Variants in CRYGS observed in about 807,000 individuals in gnomAD.
The protein encoded by CRYGS is crystallin gamma S.
Under a neutral mutation model 21.3 loss-of-function variants are expected in CRYGS, and 13 were observed. The ratio of observed to expected loss-of-function variants is 0.61; its 90% CI spans 0.40 to 0.97. The LOEUF (loss-of-function observed/expected upper bound fraction) is 0.97. Ranked by LOEUF, CRYGS falls within the 50% of genes least tolerant of loss-of-function variation. The pLI, the probability that CRYGS is intolerant of heterozygous loss-of-function variation, is 0.00. For synonymous variants in CRYGS, 67 were observed against 75.0 expected (o/e 0.89, Z 0.55); for missense variants, 205 against 229.7 (o/e 0.89, Z 0.69).
Position 186,539,511 on chromosome 3 carries a change from G to A in CRYGS, c.108C>T (p.Arg36=), listed in dbSNP as rs761387196. The A allele has an allele frequency of 3.1e-6, 5 of 1,613,888 alleles. No homozygotes were observed. The African/African-American group carries it at 5.3e-5, about 17-fold the overall frequency. The change falls in exon 2 of 3, where the codon CGC becomes CGT. Residue 36 remains arginine (R), a synonymous_variant. Transcript: ENST00000307944. ...CTCCTTCCACTTTAATGGAGTTGCA[G>A]CGACTTAGGTATGTGTGGAAATCTG... ...DCADFHTYLS[R]CNSIKVEGGT...
Position 186,544,294 on chromosome 3 carries a change from A to ATGAC in CRYGS, c.21+8_21+11dup. On this transcript the variant is annotated intron_variant, in intron 1 of 2. Coordinates refer to ENST00000307944, the MANE Select transcript of CRYGS (RefSeq NM_017541.4). ...AAAAGCGGGTAGGCTAAAAATCAATATGACTACTTACCTTGGTTCCAGTTT... is the reference window on the plus strand; with the variant it reads ...AAAAGCGGGTAGGCTAAAAATCAATATGACTGACTACTTACCTTGGTTCCAGTTT... 6.3e-7 allele frequency: 1 copy of ATGAC among 1,594,296 alleles called. No homozygotes were observed.
intron 1 of CRYGS, 43 bp from the exon 2 acceptor site, chr3:186,539,640 G>A (rs780119256): frequency 1.2e-6 from 2 of 1,611,832 alleles, no homozygotes; most frequent in Non-Finnish European, 1.7e-6. Flanking sequence ...GGAGCTGGGT[G>A]GCTTAATTCA....
intron 2 of CRYGS, 23 bp from the exon 3 acceptor site, chr3:186,538,991 G>C (rs769960972): frequency 6.2e-7 from 1 of 1,613,066 alleles, no homozygotes; most frequent in Non-Finnish European, 8.5e-7. Flanking sequence ...AGGAGAAAAT[G>C]AACAGAAACC....
Position 186,538,907 on chromosome 3 carries a change from T to C in CRYGS, c.326A>G (p.Tyr109Cys). ...GGAAGGGCAATCTTCGGTGGTTTCATACATCTGACCACTAAAATCCCCTTT... is the reference window on the plus strand; with the variant it reads ...GGAAGGGCAATCTTCGGTGGTTTCACACATCTGACCACTAAAATCCCCTTT... ...FEKGDFSGQMYETTEDCPSIM... is the reference protein window; with the variant it reads ...FEKGDFSGQMCETTEDCPSIM... Residue 109 changes from tyrosine to cysteine, a missense_variant, in exon 3 of 3, where the codon TAT becomes TGT. By Grantham distance (194) the Tyr-to-Cys change is radical. Transcript: ENST00000307944. 1.9e-6 allele frequency: 3 copies of C among 1,614,164 alleles called. No individual in the cohort carries two copies. The highest frequency in any genetic ancestry group is 1.1e-5 in the South Asian group (1 of 91,090).
At position 186,539,595 on chromosome 3, in the gene CRYGS, A is replaced by C; in HGVS notation, c.24T>G (p.Ile8Met). 6.2e-7 allele frequency: 1 copy of C among 1,614,016 alleles called. No homozygotes were observed. Among genetic ancestry groups the C allele is most frequent in the Non-Finnish European group, 8.5e-7 (1 of 1,179,882 alleles). MSKTGTKITFYEDKNFQG... is the reference protein window; with the variant it reads MSKTGTKMTFYEDKNFQG... ...GAAAATTTTTGTCTTCATAGAAAGT[A>C]ATCTGAAGTAGAGGGCCAACAGAGA... Residue 8 changes from isoleucine to methionine, a missense_variant and splice_region_variant, in exon 2 of 3, where the codon ATT (isoleucine) becomes ATG (methionine). Physicochemically the swap from Ile to Met is conservative, Grantham distance 10. Transcript: ENST00000307944.
Position 186,539,473 on chromosome 3 carries a change from A to C in CRYGS, c.146T>G (p.Val49Gly). 3 of 1,613,442 alleles carry C rather than the reference A, an allele frequency of 1.9e-6. No homozygotes were observed. Among genetic ancestry groups the C allele is most frequent in the Non-Finnish European group, 2.5e-6 (3 of 1,180,010 alleles). Residue 49 changes from valine (V) to glycine (G), a missense_variant, in exon 2 of 3, where the codon GTT (valine) becomes GGT (glycine). Val to Gly is a moderately radical substitution (Grantham distance 109, BLOSUM62 -3). Coordinates refer to ENST00000307944, the MANE Select transcript of CRYGS (RefSeq NM_017541.4). ...CCCAGCAAAGTTGGGCCTTTCATAA[A>C]CAGCCCAGGTGCCTCCTTCCACTTT... Reference protein sequence around the residue: ...SIKVEGGTWAVYERPNFAGYM... With the variant: ...SIKVEGGTWAGYERPNFAGYM...
rs753571891 is a variant in CRYGS at position 186,539,307 on chromosome 3, G to T, written c.264+48C>A. ...TGTTCACCTAAAAGCAAGAGAAAGC[G>T]GACAGAGGGCGTGGGAAACAGAGGG... On this transcript the variant is annotated intron_variant, in intron 2 of 2. Transcript: ENST00000307944. The T allele has an allele frequency of 6.2e-6, 10 of 1,610,914 alleles. No individual in the cohort carries two copies. In the South Asian group the frequency reaches 9.9e-5, roughly 16 times the overall value.
chr3:186,538,739 G>A lies in CRYGS; in HGVS notation c.494C>T (p.Ala165Val). ...GAAAGACTGGACAGCTGGGGAGGCT[G>A]CACCCCAATCGATGGGCTTCCGGTA... is the stretch of plus-strand genomic sequence containing the variant. ...KEYRKPIDWG[A>V]ASPAVQSFRR... The change falls in exon 3 of 3, where the codon GCA becomes GTA. Residue 165 changes from alanine to valine, a missense_variant. Ala to Val is a moderately conservative substitution (Grantham distance 64). Coordinates refer to ENST00000307944, the MANE Select transcript of CRYGS (RefSeq NM_017541.4). The A allele has an allele frequency of 6.2e-7, 1 of 1,614,180 alleles. No homozygotes were observed. Among genetic ancestry groups the A allele is most frequent in the Non-Finnish European group, 8.5e-7 (1 of 1,180,032 alleles).
At position 186,539,587 on chromosome 3, in the gene CRYGS, T is replaced by C. The variant is rs143424000; in HGVS notation, c.32A>G (p.Tyr11Cys). The C allele has an allele frequency of 9.3e-6, 15 of 1,613,898 alleles. No individual in the cohort carries two copies. The highest frequency in any genetic ancestry group is 2.7e-5 in the African/African-American group (2 of 74,922). MSKTGTKITF[Y>C]EDKNFQGRRY... is the part of the protein sequence containing the mutation. ...ACGGCCTTGAAAATTTTTGTCTTCA[T>C]AGAAAGTAATCTGAAGTAGAGGGCC... The change falls in exon 2 of 3, where the codon TAT (tyrosine) becomes TGT (cysteine). Residue 11 changes from tyrosine (Y) to cysteine (C), a missense_variant. Physicochemically the swap from Tyr to Cys is radical, Grantham distance 194. Transcript: ENST00000307944.
At position 186,544,372 on chromosome 3, in the gene CRYGS, A is replaced by G. The variant is rs371031485; in HGVS notation, c.-46T>C. 5.5e-5 allele frequency: 76 copies of G among 1,391,308 alleles called. No individual in the cohort carries two copies. The East Asian group carries it at 8.4e-4, about 15-fold the overall frequency. 86.2% of individuals were successfully genotyped at this position (1,391,308 alleles called of 1,614,324 possible). A position where few individuals can be genotyped will look rare whatever the true frequency, so the allele number is the denominator to read the frequency against. ...TTCCCAGTGCTGAAAGAAATTCAGG[A>G]ATGGCTACAGAGAGTTAGAGGCACA... On this transcript the variant is annotated 5_prime_UTR_variant, in exon 1 of 3. Transcript: ENST00000307944.
intron 1 of CRYGS, among the ~76,000 whole-genome samples, chr3:186,542,159 G>C (rs972048942): frequency 6.6e-6 from 1 of 152,192 alleles, no homozygotes; most frequent in African/African-American, 2.4e-5. Context: ...AAAGATACAT[G>C]ATGCCTGATA....
intron 1 of CRYGS, chr3:186,540,003 C>T (rs960137528): frequency 1.8e-5 from 4 of 227,830 alleles, no homozygotes; most frequent in Non-Finnish European, 2.7e-5. Flanking sequence ...GCTATCAATC[C>T]TCTGTGCCCA....
chr3:186,539,397 C>T lies in CRYGS; in HGVS notation c.222G>A (p.Met74Ile). 6.2e-7 allele frequency: 1 copy of T among 1,612,198 alleles called. No individual in the cohort carries two copies. The highest frequency in any genetic ancestry group is 8.5e-7 in the Non-Finnish European group (1 of 1,179,986). ...QGEYPEYQRW[M>I]GLNDRLSSCR... is the part of the protein sequence containing the mutation. ...AGGAGCTGAGGCGGTCGTTGAGGCC[C>T]ATCCAACGCTGGTATTCAGGGTACT... is the stretch of plus-strand genomic sequence containing the variant. The change falls in exon 2 of 3, where the codon ATG becomes ATA. Residue 74 changes from methionine (M) to isoleucine (I), a missense_variant. By Grantham distance (10) the Met-to-Ile change is conservative. Transcript: ENST00000307944.
chr3:186,542,174 C>G (rs1714085750), intron 1 of CRYGS, among the ~76,000 whole-genome samples: 1 of 152,226 alleles, frequency 6.6e-6, no homozygotes, highest in Admixed American at 6.5e-5. Context: ...CTGATACGGT[C>G]ACCTGATGTC....
In CRYGS at chr3:186,540,760, A is replaced by G. The variant is rs973721980; in HGVS notation, c.22-1163T>C. Reference sequence around the variant, plus strand: ...GTGAGTCATTTCAGATGAAAGGAGCAGAGCCGGATACTGTCTTGAGAGGAT... The same window carrying G: ...GTGAGTCATTTCAGATGAAAGGAGCGGAGCCGGATACTGTCTTGAGAGGAT... On this transcript the variant is annotated intron_variant, in intron 1 of 2. Transcript: ENST00000307944. The G allele has an allele frequency of 1.3e-5, 13 of 968,042 alleles. No homozygotes were observed. The African/African-American group carries it at 2.3e-4, about 17-fold the overall frequency. The allele number at this position is 968,042 out of a possible 1,614,324, so 60.0% of individuals were successfully genotyped here.
intron 1 of CRYGS, among the ~76,000 whole-genome samples, chr3:186,543,407 G>T (rs559372614): frequency 1.3e-5 from 2 of 152,262 alleles, no homozygotes; most frequent in South Asian, 2.1e-4. Flanking sequence ...TAGTGATACA[G>T]TGTTTATACA....
At position 186,539,570 on chromosome 3, in the gene CRYGS, G is replaced by C. The variant is rs1714010406; in HGVS notation, c.49C>G (p.Gln17Glu). 1 of 1,614,144 alleles carries C rather than the reference G, an allele frequency of 6.2e-7. No individual in the cohort carries two copies. Among genetic ancestry groups the C allele is most frequent in the Non-Finnish European group, 8.5e-7 (1 of 1,180,014 alleles). ...KITFYEDKNF[Q>E]GRRYDCDCDC... Reference sequence around the variant, plus strand: ...CAATCACAGTCATAGCGACGGCCTTGAAAATTTTTGTCTTCATAGAAAGTA... The same window carrying C: ...CAATCACAGTCATAGCGACGGCCTTCAAAATTTTTGTCTTCATAGAAAGTA... Residue 17 changes from glutamine to glutamate, a missense_variant, in exon 2 of 3, where the codon CAA becomes GAA. Physicochemically the swap from Gln to Glu is conservative, Grantham distance 29. Coordinates refer to ENST00000307944, the MANE Select transcript of CRYGS (RefSeq NM_017541.4).
At position 186,539,545 on chromosome 3, in the gene CRYGS, C is replaced by T. The variant is rs1273345261; in HGVS notation, c.74G>A (p.Cys25Tyr). 1 of 1,614,082 alleles carries T rather than the reference C, an allele frequency of 6.2e-7. No individual in the cohort carries two copies. Among genetic ancestry groups the T allele is most frequent in the Non-Finnish European group, 8.5e-7 (1 of 1,180,004 alleles). Residue 25 changes from cysteine to tyrosine, a missense_variant, in exon 2 of 3, where the codon TGC becomes TAC. Coordinates refer to ENST00000307944, the MANE Select transcript of CRYGS (RefSeq NM_017541.4). Reference sequence around the variant, plus strand: ...GTATGTGTGGAAATCTGCACAGTCGCAATCACAGTCATAGCGACGGCCTTG... The same window carrying T: ...GTATGTGTGGAAATCTGCACAGTCGTAATCACAGTCATAGCGACGGCCTTG... ...NFQGRRYDCD[C>Y]DCADFHTYLS...
At chr3:186,539,247 G>C in intron 2 of CRYGS, 108 bp downstream of exon 2, 1 of 1,473,976 alleles carries the variant, frequency 6.8e-7, no homozygotes, top group South Asian at 1.1e-5. Flanking sequence ...CCAACAAGCA[G>C]CTACTCATTA....
Sources: allele counts gnomAD v4.1 joint callset (sites outside exome capture counted in the v4.1 genomes callset), GRCh38; gene constraint gnomAD v4.1.1; transcripts MANE v1.5; gene names NCBI Gene and HGNC (gene_info 2026-07-23, HGNC 2026-07-21).